Variants in CSMD1 observed in about 807,000 individuals in gnomAD.
The protein encoded by CSMD1 is CUB and Sushi multiple domains 1.
In CSMD1, 213 loss-of-function variants were observed where a neutral mutation model predicts 417.5. That is an observed-to-expected ratio of 0.51 (90% confidence interval 0.46 to 0.57). CSMD1 has a LOEUF of 0.57. Ranked by LOEUF, CSMD1 falls within the 20% of genes least tolerant of loss-of-function variation. The pLI is 0.00. For missense variants in CSMD1, 6,923 were observed against 4,529.7 expected (o/e 1.53, Z -15.17); for synonymous variants, 2,862 against 1,736.8 (o/e 1.65, Z -16.11).
chr8:4,991,784 C>G (rs1811481165), intron 1 of CSMD1, among the ~76,000 whole-genome samples: 1 of 152,230 alleles, frequency 6.6e-6, no homozygotes, highest in African/African-American at 2.4e-5. Flanking sequence ...ACGGCGACTC[C>G]GGCGCTGGCG....
chr8:3,929,050 C>G (rs1050404121), intron 5 of CSMD1, among the ~76,000 whole-genome samples: 2 of 150,390 alleles, frequency 1.3e-5, no homozygotes, highest in Non-Finnish European at 3.0e-5. Flanking sequence ...GCATTGCCAT[C>G]TACTAATTGC....
chr8:4,368,554 C>T (rs896076952), intron 3 of CSMD1, among the ~76,000 whole-genome samples: 1 of 152,084 alleles, frequency 6.6e-6, no homozygotes, highest in South Asian at 2.1e-4. Context: ...TAGGTACTAG[C>T]TCTTTTTTGT....
intron 11 of CSMD1, among the ~76,000 whole-genome samples, chr8:3,489,475 A>G (rs1306568821): frequency 6.6e-6 from 1 of 152,210 alleles, no homozygotes; most frequent in East Asian, 1.9e-4. Context: ...AATCCAGGGA[A>G]GGCCATAGCT....
chr8:4,110,850 G>T (rs1048894334), intron 3 of CSMD1, among the ~76,000 whole-genome samples: 4 of 152,010 alleles, frequency 2.6e-5, no homozygotes, highest in African/African-American at 9.7e-5. Context: ...GGAAATCAGA[G>T]ACTTTTTTCC....
chr8:4,375,643 C>T (rs1802686420), intron 3 of CSMD1, among the ~76,000 whole-genome samples: 1 of 152,010 alleles, frequency 6.6e-6, no homozygotes, highest in South Asian at 2.1e-4. Context: ...GTGGGATGGT[C>T]GCGGCTGGTG....
intron 26 of CSMD1, among the ~76,000 whole-genome samples, chr8:3,282,427 A>G (rs1802810066): frequency 6.6e-6 from 1 of 152,214 alleles, no homozygotes; most frequent in Admixed American, 6.5e-5. Flanking sequence ...AGAAGAGGAA[A>G]ATGAACATAA....
At chr8:4,927,273 G>C (rs549101828) in intron 1 of CSMD1, among the ~76,000 whole-genome samples, 52 of 151,968 alleles carry the variant, frequency 3.4e-4, no homozygotes, top group African/African-American at 1.2e-3. Flanking sequence ...GGCTAGGCTG[G>C]TCTCGAACTC....
intron 3 of CSMD1, among the ~76,000 whole-genome samples, chr8:4,240,329 C>T (rs958251943): frequency 1.3e-5 from 2 of 152,166 alleles, no homozygotes; most frequent in African/African-American, 4.8e-5. Context: ...TCTGGTGTTG[C>T]TGCATCTTTG....
chr8:3,643,080 G>T (rs1311273048), intron 7 of CSMD1, among the ~76,000 whole-genome samples: 2 of 152,050 alleles, frequency 1.3e-5, no homozygotes, highest in African/African-American at 4.8e-5. Context: ...ACGGGAGAGG[G>T]AGAGAGACAG....
At chr8:3,998,448 C>A (rs1163630661) in intron 4 of CSMD1, among the ~76,000 whole-genome samples, 1 of 152,156 alleles carries the variant, frequency 6.6e-6, no homozygotes, top group African/African-American at 2.4e-5. Context: ...TGGAAGATGA[C>A]ACTATGTAAG....
intron 1 of CSMD1, among the ~76,000 whole-genome samples, chr8:4,908,133 A>G (rs1418935687): frequency 1.3e-5 from 2 of 152,178 alleles, no homozygotes; most frequent in African/African-American, 4.8e-5. Context: ...TGCTGGGTAC[A>G]GAATTCTAGG....
intron 5 of CSMD1, among the ~76,000 whole-genome samples, chr8:3,806,282 C>T (rs779526123): frequency 1.3e-5 from 2 of 152,146 alleles, no homozygotes; most frequent in Admixed American, 1.3e-4. Flanking sequence ...AGTTTTCATT[C>T]TGTCTATCGT....
At chr8:4,282,322 G>C (rs1796831463) in intron 3 of CSMD1, among the ~76,000 whole-genome samples, 1 of 152,164 alleles carries the variant, frequency 6.6e-6, no homozygotes, top group Non-Finnish European at 1.5e-5. Flanking sequence ...GCACGCCCAA[G>C]GGTCAAGATC....
At chr8:4,114,732 T>C (rs1802042472) in intron 3 of CSMD1, among the ~76,000 whole-genome samples, 1 of 152,166 alleles carries the variant, frequency 6.6e-6, no homozygotes, top group Admixed American at 6.5e-5. Context: ...AAGAAGTTGA[T>C]TCCAACACTT....
intron 61 of CSMD1, among the ~76,000 whole-genome samples, chr8:2,961,600 A>G (rs1563183377): frequency 6.6e-6 from 1 of 152,158 alleles, no homozygotes; most frequent in East Asian, 1.9e-4. Flanking sequence ...CCATTACATT[A>G]TTCTGAGTTT....
chr8:4,020,208 AG>A (rs1413528692), intron 4 of CSMD1, among the ~76,000 whole-genome samples: 15 of 152,316 alleles, frequency 9.8e-5, no homozygotes, highest in Middle Eastern at 3.4e-3. Flanking sequence ...AAAAATCTTG[AG>A]GCCAGACAGA....
chr8:4,016,775 G>A (rs1796543384), intron 4 of CSMD1, among the ~76,000 whole-genome samples: 1 of 152,182 alleles, frequency 6.6e-6, no homozygotes, highest in Non-Finnish European at 1.5e-5. Context: ...CTAAGTTTAT[G>A]TGTATAGTTG....
At chr8:4,334,047 C>T (rs1224748294) in intron 3 of CSMD1, among the ~76,000 whole-genome samples, 1 of 152,016 alleles carries the variant, frequency 6.6e-6, no homozygotes, top group African/African-American at 2.4e-5. Context: ...CCCACCACAA[C>T]ATCGTTTCAT....
chr8:4,591,010 T>G (rs546030549), intron 2 of CSMD1, among the ~76,000 whole-genome samples: 3 of 152,338 alleles, frequency 2.0e-5, no homozygotes, highest in African/African-American at 7.2e-5. Context: ...GCCTGCCTTC[T>G]TCCCTGCTGT....
Sources: allele counts gnomAD v4.1 joint callset (sites outside exome capture counted in the v4.1 genomes callset), GRCh38; gene constraint gnomAD v4.1.1; transcripts MANE v1.5; gene names NCBI Gene and HGNC (gene_info 2026-07-23, HGNC 2026-07-21).